The following GCNT2 variants were observed in gnomAD, a reference collection of about 807,000 sequenced individuals.
GCNT2 encodes the protein glucosaminyl (N-acetyl) transferase 2 (I blood group).
A neutral mutation model predicts 34.2 loss-of-function variants in GCNT2; 34 were observed. The observed-to-expected ratio is 1.00, with a 90% CI of 0.76 to 1.32. GCNT2 has a LOEUF of 1.32. GCNT2 is among the 40% of genes most tolerant of loss of function. The pLI is 0.00. For synonymous variants in GCNT2, 212 were observed against 188.0 expected (o/e 1.13, Z -1.04); for missense variants, 584 against 489.4 (o/e 1.19, Z -1.82).
chr6:10,570,294 A>G (rs1462908282), intron 3 of GCNT2, among the ~76,000 whole-genome samples: 1 of 152,206 alleles, frequency 6.6e-6, no homozygotes, highest in East Asian at 1.9e-4. Flanking sequence ...GGCTTTCCCC[A>G]AATCCATTTA....
At chr6:10,622,996 G>GCCC (rs1051469350) in intron 4 of GCNT2, among the ~76,000 whole-genome samples, 1 of 151,596 alleles carries the variant, frequency 6.6e-6, no homozygotes, top group African/African-American at 2.4e-5. Context: ...CTCGTGATCT[G>GCCC]CCCCCCTTGG....
intron 3 of GCNT2, among the ~76,000 whole-genome samples, chr6:10,542,543 G>A (rs646723): frequency 0.21 from 32,092 of 152,034 alleles, 5,147 homozygotes; most frequent in African/African-American, 0.45. Flanking sequence ...CCCAACCCCT[G>A]CTTTTCTGGC....
intron 3 of GCNT2, among the ~76,000 whole-genome samples, chr6:10,563,749 GAAAA>G (rs1401502686): frequency 0.15 from 646 of 4,220 alleles, 2 homozygotes; most frequent in Middle Eastern, 0.33. Flanking sequence ...CTCAAAAAAA[GAAAA>G]AAGAAAAAAA....
intron 3 of GCNT2, among the ~76,000 whole-genome samples, chr6:10,611,225 GA>G (rs773459728): frequency 1.8e-3 from 235 of 132,868 alleles, no homozygotes; most frequent in Non-Finnish European, 1.7e-3. Context: ...ATGTCTATTT[GA>G]AAAAAAAAAA....
At chr6:10,575,671 C>A (rs1302100430) in intron 3 of GCNT2, among the ~76,000 whole-genome samples, 3 of 138,434 alleles carry the variant, frequency 2.2e-5, no homozygotes, top group African/African-American at 3.2e-5. Flanking sequence ...CCTTGCCCCA[C>A]CTTTAACTGA....
chr6:10,534,139 C>CTTTTTTTTTTTTTTTTTTTTTGTT (rs1491129469), intron 3 of GCNT2, among the ~76,000 whole-genome samples: 1 of 123,152 alleles, frequency 8.1e-6, no homozygotes. Flanking sequence ...TTCCATGCTG[C>CTTTTTTTTTTTTTTTTTTTTTGTT]TCTTTTTTTT....
chr6:10,575,735 A>G (rs755745778), intron 3 of GCNT2, among the ~76,000 whole-genome samples: 2 of 152,136 alleles, frequency 1.3e-5, no homozygotes, highest in Non-Finnish European at 2.9e-5. Flanking sequence ...TTAACTGATG[A>G]CATTCCACCA....
At chr6:10,608,385 C>T (rs917634782) in intron 3 of GCNT2, among the ~76,000 whole-genome samples, 1 of 152,106 alleles carries the variant, frequency 6.6e-6, no homozygotes, top group African/African-American at 2.4e-5. Flanking sequence ...GCGATATGCA[C>T]ATTTTTAAGG....
rs151056741 is a variant in GCNT2, at chr6:10,560,869, T to C, written c.925+31033T>C. On this transcript the variant is annotated intron_variant, in intron 3 of 4. Transcript: ENST00000495262. ...AGAGGTCCTTAGGGGCCCCAGTCTC[T>C]CACTCCTTTTCAGGGGAACCAGGTA... is the stretch of plus-strand genomic sequence containing the variant. Among the ~76,000 whole-genome samples the C allele has an allele frequency of 1.8e-3, 275 of 152,260 alleles. 2 individuals are homozygous for C. Among genetic ancestry groups the C allele is most frequent in the African/African-American group, 6.1e-3 (255 of 41,558 alleles).
chr6:10,547,717 T>C (rs1053032044), intron 3 of GCNT2, among the ~76,000 whole-genome samples: 11 of 152,222 alleles, frequency 7.2e-5, no homozygotes, highest in African/African-American at 2.7e-4. Context: ...GACTCAGTTT[T>C]TACTGTGATC....
At chr6:10,601,943 G>GGAAA (rs1765104473) in intron 3 of GCNT2, among the ~76,000 whole-genome samples, 1 of 113,052 alleles carries the variant, frequency 8.8e-6, no homozygotes, top group African/African-American at 3.5e-5. Flanking sequence ...TCCATCTCAA[G>GGAAA]AAAAAAAAAA....
At chr6:10,546,262 TGC>T (rs1279728105) in intron 3 of GCNT2, among the ~76,000 whole-genome samples, 1 of 152,148 alleles carries the variant, frequency 6.6e-6, no homozygotes, top group African/African-American at 2.4e-5. Context: ...TTCAGACAAA[TGC>T]AGTTGACCAG....
chr6:10,552,163 C>T (rs562888290), intron 3 of GCNT2, among the ~76,000 whole-genome samples: 5 of 152,186 alleles, frequency 3.3e-5, no homozygotes, highest in South Asian at 2.1e-4. Context: ...ATTGGGCCCC[C>T]GGAGAAGCAG....
chr6:10,616,600 G>A (rs550042814), intron 3 of GCNT2, among the ~76,000 whole-genome samples: 8 of 152,138 alleles, frequency 5.3e-5, no homozygotes, highest in East Asian at 1.9e-4. Context: ...ACAGAGTGCC[G>A]ATTGCTGCAT....
intron 3 of GCNT2, chr6:10,557,123 C>G: frequency 7.7e-6 from 12 of 1,557,398 alleles, no homozygotes; most frequent in Non-Finnish European, 1.0e-5. Context: ...CCACCAAGAG[C>G]ACCTGGGCAA....
At chr6:10,583,185 G>A (rs913160520) in intron 3 of GCNT2, among the ~76,000 whole-genome samples, 3 of 152,120 alleles carry the variant, frequency 2.0e-5, no homozygotes, top group Non-Finnish European at 4.4e-5. Flanking sequence ...CAACTCTCTA[G>A]CAGCTCACCA....
rs1761346549 is a variant in GCNT2, at chr6:10,529,155, C to A, written c.244C>A (p.His82Asn). 6.2e-7 allele frequency: 1 copy of A among 1,613,874 alleles called. No homozygotes were observed. The highest frequency in any genetic ancestry group is 1.7e-5 in the Admixed American group (1 of 59,980). The part of the protein sequence containing the change: ...ATCYEYMVRS[H>N]YVTETLSEEE... ...CTGCTATGAGTACATGGTTCGAAGC[C>A]ACTATGTAACAGAAACACTCTCTGA... Residue 82 changes from histidine to asparagine, a missense_variant, in exon 3 of 5, where the codon CAC becomes AAC. Coordinates refer to ENST00000495262, the MANE Select transcript of GCNT2 (RefSeq NM_145649.5).
chr6:10,530,780 C>T (rs551569458), intron 3 of GCNT2, among the ~76,000 whole-genome samples: 90 of 152,086 alleles, frequency 5.9e-4, no homozygotes, highest in African/African-American at 2.1e-3. Flanking sequence ...CTAGGCTGAG[C>T]GCAGTGGCTC....
At chr6:10,544,107 A>G (rs1346489289) in intron 3 of GCNT2, among the ~76,000 whole-genome samples, 1 of 151,888 alleles carries the variant, frequency 6.6e-6, no homozygotes, top group Non-Finnish European at 1.5e-5. Flanking sequence ...TGAGATCAGG[A>G]GTTCGAGACC....
Sources: gnomAD v4.1 joint callset for allele counts (sites outside exome capture counted in the v4.1 genomes callset) on GRCh38, gnomAD v4.1.1 for gene constraint, MANE v1.5 for transcripts, NCBI Gene and HGNC (gene_info 2026-07-23, HGNC 2026-07-21) for gene names.